NEGR1: variants seen among roughly 807,000 people sequenced by gnomAD.
NEGR1 encodes neuronal growth regulator 1.
In NEGR1, 10 loss-of-function variants were observed where a neutral mutation model predicts 40.9. The observed-to-expected ratio is 0.24, with a 90% CI of 0.15 to 0.42. NEGR1 has a LOEUF of 0.42. Among genes scored for constraint, NEGR1 ranks in the 10% least tolerant of loss-of-function variants. The probability of loss-of-function intolerance (pLI) is 1.00; values close to 1 mark genes in which losing one functional copy is unlikely to be tolerated. For missense variants in NEGR1, 352 were observed against 438.9 expected (o/e 0.80, Z 1.77); for synonymous variants, 185 against 166.8 (o/e 1.11, Z -0.84).
At chr1:71,715,254 C>T (rs1400579923) in intron 3 of NEGR1, among the ~76,000 whole-genome samples, 1 of 152,136 alleles carries the variant, frequency 6.6e-6, no homozygotes, top group Admixed American at 6.5e-5. Context: ...GGCCCTGTGC[C>T]CAACCCAGGA....
At chr1:71,489,220 T>A (rs1010307189) in intron 6 of NEGR1, among the ~76,000 whole-genome samples, 2 of 151,852 alleles carry the variant, frequency 1.3e-5, no homozygotes, top group South Asian at 4.1e-4. Context: ...TTCAGCGAAT[T>A]GGGAGCTCTT....
At chr1:71,513,189 G>T (rs1325439083) in intron 6 of NEGR1, among the ~76,000 whole-genome samples, 1 of 151,978 alleles carries the variant, frequency 6.6e-6, no homozygotes, top group Non-Finnish European at 1.5e-5. Flanking sequence ...AAAATGTGAG[G>T]TTTTTTGTTG....
At chr1:71,873,007 A>G (rs1570453955) in intron 2 of NEGR1, among the ~76,000 whole-genome samples, 2 of 151,464 alleles carry the variant, frequency 1.3e-5, no homozygotes, top group South Asian at 2.1e-4. Flanking sequence ...AAACAAAATG[A>G]CCTATATTTT....
At chr1:72,219,499 T>C (rs533788415) in intron 1 of NEGR1, among the ~76,000 whole-genome samples, 1 of 152,164 alleles carries the variant, frequency 6.6e-6, no homozygotes, top group Non-Finnish European at 1.5e-5. Context: ...GAAATTAATT[T>C]AAGCAATTCC....
intron 1 of NEGR1, among the ~76,000 whole-genome samples, chr1:72,014,312 T>C (rs374428181): frequency 6.6e-6 from 1 of 151,824 alleles, no homozygotes; most frequent in East Asian, 1.9e-4. Flanking sequence ...TCAGCTTACA[T>C]AAGGAACTGC....
intron 6 of NEGR1, among the ~76,000 whole-genome samples, chr1:71,517,585 T>C (rs1647127317): frequency 6.9e-6 from 1 of 145,548 alleles, no homozygotes; most frequent in African/African-American, 2.7e-5. Flanking sequence ...TTCAAAATAA[T>C]AAGAGCTATC....
intron 4 of NEGR1, among the ~76,000 whole-genome samples, chr1:71,630,002 G>A (rs374285358): frequency 9.9e-5 from 15 of 151,838 alleles, no homozygotes; most frequent in Admixed American, 8.5e-4. Context: ...AAAAGACTAT[G>A]GAAATAGCAC....
intron 1 of NEGR1, among the ~76,000 whole-genome samples, chr1:72,033,746 G>A (rs1168507690): frequency 6.6e-6 from 1 of 151,932 alleles, no homozygotes; most frequent in African/African-American, 2.4e-5. Context: ...TTTCCATGGT[G>A]TATATTGCCT....
intron 2 of NEGR1, among the ~76,000 whole-genome samples, chr1:71,928,683 T>C (rs1645825243): frequency 6.6e-6 from 1 of 151,852 alleles, no homozygotes; most frequent in Non-Finnish European, 1.5e-5. Flanking sequence ...CCTGTCTTCA[T>C]AAATTGCAAA....
intron 1 of NEGR1, among the ~76,000 whole-genome samples, chr1:72,209,510 C>A (rs988223166): frequency 1.3e-5 from 2 of 151,696 alleles, no homozygotes; most frequent in African/African-American, 4.8e-5. Context: ...AAAAAAAATT[C>A]TAGAACTCTG....
At chr1:71,947,111 C>T (rs1405812214) in intron 1 of NEGR1, among the ~76,000 whole-genome samples, 1 of 148,430 alleles carries the variant, frequency 6.7e-6, no homozygotes, top group African/African-American at 2.5e-5. Flanking sequence ...CACACACACA[C>T]ACACACACAC....
intron 2 of NEGR1, among the ~76,000 whole-genome samples, chr1:71,847,951 G>A (rs556269366): frequency 3.3e-4 from 50 of 152,284 alleles, no homozygotes; most frequent in African/African-American, 1.2e-3. Context: ...AAAATTAAAA[G>A]TGCTACTGAA....
intron 1 of NEGR1, among the ~76,000 whole-genome samples, chr1:72,230,286 T>C (rs1654321516): frequency 6.6e-6 from 1 of 152,170 alleles, no homozygotes; most frequent in Non-Finnish European, 1.5e-5. Context: ...AGAAAAATTA[T>C]CTTTGGTCTA....
At chr1:71,701,351 A>G (rs1653684975) in intron 3 of NEGR1, among the ~76,000 whole-genome samples, 1 of 151,938 alleles carries the variant, frequency 6.6e-6, no homozygotes, top group African/African-American at 2.4e-5. Context: ...GTTAGCTTAC[A>G]GCCATTTCCA....
chr1:71,692,350 A>G (rs1266825594), intron 4 of NEGR1, among the ~76,000 whole-genome samples: 1 of 151,742 alleles, frequency 6.6e-6, no homozygotes, highest in Admixed American at 6.6e-5. Context: ...TGAAAGATGA[A>G]GTAAATGAAA....
At chr1:71,450,923 A>G (rs558576771) in intron 6 of NEGR1, among the ~76,000 whole-genome samples, 1 of 151,696 alleles carries the variant, frequency 6.6e-6, no homozygotes, top group Non-Finnish European at 1.5e-5. Context: ...TGTGAAAAAA[A>G]TACACATTTT....
At position 71,402,620 on chromosome 1, in the gene NEGR1, A is replaced by G. The variant is rs1014060978; in HGVS notation, c.*4826T>C. ...ACAGTGAATGTAAATGTGAAGGTGT[A>G]TGATTCTTGGAAAGTTCAGAGGGAG... On this transcript the variant is annotated 3_prime_UTR_variant, in exon 7 of 7. Transcript: ENST00000357731. The G allele has an allele frequency of 5.3e-5, 8 of 152,310 alleles. No homozygotes were observed. The highest frequency in any genetic ancestry group is 1.4e-4 in the African/African-American group (6 of 41,576). The allele number at this position is 152,310 out of a possible 1,614,324, so 9.4% of individuals were successfully genotyped here.
At chr1:71,824,571 G>A (rs1004327619) in intron 2 of NEGR1, among the ~76,000 whole-genome samples, 3 of 151,906 alleles carry the variant, frequency 2.0e-5, no homozygotes, top group Non-Finnish European at 4.4e-5. Context: ...AGCCTTAAGT[G>A]TTCAAAGCAA....
intron 2 of NEGR1, among the ~76,000 whole-genome samples, chr1:71,876,734 T>C (rs1660443144): frequency 6.6e-6 from 1 of 152,074 alleles, no homozygotes; most frequent in Non-Finnish European, 1.5e-5. Context: ...AGCATATATG[T>C]AGCATGTCAG....
Sources: allele counts gnomAD v4.1 joint callset (sites outside exome capture counted in the v4.1 genomes callset), GRCh38; gene constraint gnomAD v4.1.1; transcripts MANE v1.5; gene names NCBI Gene and HGNC (gene_info 2026-07-23, HGNC 2026-07-21).